Variants in SRFBP1 observed in about 807,000 individuals in gnomAD.
SRFBP1 encodes the protein serum response factor-binding protein 1.
Under a neutral mutation model 45.5 loss-of-function variants are expected in SRFBP1, and 47 were observed. The observed-to-expected ratio is 1.03, with a 90% CI of 0.82 to 1.32. The LOEUF is 1.32. SRFBP1 is among the 40% of genes most tolerant of loss of function. The pLI is 0.00. For synonymous variants in SRFBP1, 203 were observed against 166.3 expected, an observed-to-expected ratio of 1.22 and a Z score of -1.70; for missense variants, 621 against 484.6, an observed-to-expected ratio of 1.28 and a Z score of -2.64.
chr5:122,025,290 C>G (rs1753456149), intron 7 of SRFBP1, among the ~76,000 whole-genome samples: 2 of 152,182 alleles, frequency 1.3e-5, no homozygotes, highest in Non-Finnish European at 2.9e-5. Flanking sequence ...AGGACATGAA[C>G]TCATCAGTTT....
chr5:121,991,203 T>C (rs1752613986), intron 3 of SRFBP1, among the ~76,000 whole-genome samples: 2 of 152,164 alleles, frequency 1.3e-5, no homozygotes, highest in South Asian at 4.1e-4. Context: ...ACTGAGTTTT[T>C]CTATGACTGG....
chr5:122,067,695 A>G (rs542567984), intron 2 of SRFBP1, among the ~76,000 whole-genome samples: 51 of 152,140 alleles, frequency 3.4e-4, no homozygotes, highest in African/African-American at 1.2e-3. Flanking sequence ...TTTTTGTCCA[A>G]CTCGTAACTC....
downstream of SRFBP1, chr5:122,076,861 G>C (rs780776669): frequency 2.5e-6 from 4 of 1,601,580 alleles, no homozygotes; most frequent in African/African-American, 2.7e-5. Flanking sequence ...AGGTAGACCG[G>C]GGAGCGGGGC....
At chr5:122,019,972 T>G (rs1033812966) in intron 5 of SRFBP1, 116 bp from the exon 6 acceptor site, 1 of 618,960 alleles carries the variant, frequency 1.6e-6, no homozygotes. Flanking sequence ...GTATTTAATA[T>G]CAATTCCAAC....
At chr5:122,023,583 C>T (rs187546511) in intron 7 of SRFBP1, among the ~76,000 whole-genome samples, 1 of 152,274 alleles carries the variant, frequency 6.6e-6, no homozygotes, top group Admixed American at 6.5e-5. Context: ...ATTATGAAGG[C>T]TCTGAGAGGA....
intron 2 of SRFBP1, among the ~76,000 whole-genome samples, chr5:122,042,167 A>G (rs1753784243): frequency 6.6e-6 from 1 of 152,178 alleles, no homozygotes; most frequent in Non-Finnish European, 1.5e-5. Flanking sequence ...TTTCTATTTT[A>G]ATCTGAACTC....
At chr5:122,074,957 G>T (rs546781597) in intron 2 of SRFBP1, among the ~76,000 whole-genome samples, 1 of 152,174 alleles carries the variant, frequency 6.6e-6, no homozygotes, top group Non-Finnish European at 1.5e-5. Context: ...GCTTGATACA[G>T]GTCTTTTAAA....
At position 122,045,190 on chromosome 5, in the gene SRFBP1, A is replaced by T. The variant is rs1218023617; in HGVS notation, n.311+22783A>T. Among the ~76,000 whole-genome samples, 3 of 150,744 alleles carry T rather than the reference A, an allele frequency of 2.0e-5. No individual in the cohort carries two copies. In the East Asian group the frequency reaches 5.9e-4, roughly 29 times the overall value. ...TGTACATTTGTGGCACTATTTCCAG[A>T]CTCTTTATTCTGTTTTGGTCTATGT... On this transcript the variant is annotated intron_variant and non_coding_transcript_variant, in intron 2 of 2. Coordinates refer to the SRFBP1 transcript ENST00000504881.
chr5:121,965,307 G>C (rs1336289077), intron 1 of SRFBP1, among the ~76,000 whole-genome samples: 1 of 152,122 alleles, frequency 6.6e-6, no homozygotes, highest in African/African-American at 2.4e-5. Flanking sequence ...TTCTTCTAGG[G>C]TTTTTATGGT....
Position 122,020,777 on chromosome 5 carries a change from T to C in SRFBP1, c.1042T>C (p.Leu348=). Residue 348 remains leucine (L), a synonymous_variant, in exon 6 of 8, where the codon TTA becomes CTA. Transcript: ENST00000339397. The part of the protein sequence containing the change: ...RKLESVFFHS[L]SGSKSSRRNF... ...GTTAGAATCAGTGTTTTTCCACTCT[T>C]TATCTGGATCTAAAAGCTCTAGAAG... is the stretch of plus-strand genomic sequence containing the variant. 6.3e-7 allele frequency: 1 copy of C among 1,578,162 alleles called. No homozygotes were observed. Among genetic ancestry groups the C allele is most frequent in the East Asian group, 2.2e-5 (1 of 44,604 alleles).
intron 4 of SRFBP1, among the ~76,000 whole-genome samples, chr5:122,004,023 C>G (rs755620241): frequency 6.6e-6 from 1 of 152,114 alleles, no homozygotes; most frequent in Non-Finnish European, 1.5e-5. Context: ...CCACCTCTAC[C>G]TCCCGAGTTC....
At chr5:121,972,961 G>T (rs1561576253) in intron 1 of SRFBP1, among the ~76,000 whole-genome samples, 1 of 151,898 alleles carries the variant, frequency 6.6e-6, no homozygotes, top group African/African-American at 2.4e-5. Context: ...AACTTAGGGT[G>T]TAAAGAAATT....
At chr5:121,968,582 T>G (rs150094799) in intron 1 of SRFBP1, among the ~76,000 whole-genome samples, 2 of 152,314 alleles carry the variant, frequency 1.3e-5, no homozygotes, top group Middle Eastern at 3.4e-3. Flanking sequence ...TTATATACGT[T>G]ATTTTCTCTC....
chr5:121,969,127 T>A (rs1189573254), intron 1 of SRFBP1, among the ~76,000 whole-genome samples: 1 of 152,132 alleles, frequency 6.6e-6, no homozygotes, highest in Non-Finnish European at 1.5e-5. Context: ...ACCCCAGAAA[T>A]AGAGCTCATT....
At chr5:121,970,485 A>C (rs913047059) in intron 1 of SRFBP1, among the ~76,000 whole-genome samples, 3 of 151,756 alleles carry the variant, frequency 2.0e-5, no homozygotes, top group African/African-American at 7.3e-5. Context: ...GAATAACTTA[A>C]CTTTAAAAAA....
chr5:122,068,929 T>C (rs903457160), intron 2 of SRFBP1, among the ~76,000 whole-genome samples: 5 of 151,982 alleles, frequency 3.3e-5, no homozygotes, highest in Admixed American at 3.3e-4. Context: ...AATGGTGTTC[T>C]GGCGGTGGGG....
chr5:121,997,395 A>G (rs1752752400), intron 4 of SRFBP1, among the ~76,000 whole-genome samples: 2 of 151,562 alleles, frequency 1.3e-5, no homozygotes. Context: ...GACAAACCTG[A>G]GAAAAACAAG....
chr5:121,971,378 A>G (rs955761315), intron 1 of SRFBP1, among the ~76,000 whole-genome samples: 9 of 152,072 alleles, frequency 5.9e-5, no homozygotes, highest in Middle Eastern at 6.8e-3. Context: ...TAAGAGAGCT[A>G]CCTCTAAAGA....
At chr5:122,014,219 A>G (rs1753151424) in intron 4 of SRFBP1, among the ~76,000 whole-genome samples, 1 of 152,198 alleles carries the variant, frequency 6.6e-6, no homozygotes, top group Non-Finnish European at 1.5e-5. Flanking sequence ...TATATTTATA[A>G]CATTTTATCA....
Sources: allele counts gnomAD v4.1 joint callset (sites outside exome capture counted in the v4.1 genomes callset), GRCh38; gene constraint gnomAD v4.1.1; transcripts MANE v1.5; gene names NCBI Gene and HGNC (gene_info 2026-07-23, HGNC 2026-07-21).